The following ZFHX3 variants were observed in gnomAD, a reference collection of about 807,000 sequenced individuals.
ZFHX3 encodes the protein zinc finger homeobox protein 3.
Under a neutral mutation model 279.1 loss-of-function variants are expected in ZFHX3, and 42 were observed. The ratio of observed to expected loss-of-function variants is 0.15; its 90% CI spans 0.12 to 0.19. The LOEUF is 0.19. ZFHX3 is among the 10% of genes least tolerant of loss of function. ZFHX3 has a pLI of 1.00. For synonymous variants in ZFHX3, 2,293 were observed against 1,957.8 expected (o/e 1.17, Z -4.52); for missense variants, 4,981 against 4,754.0 (o/e 1.05, Z -1.40).
At chr16:73,797,950 G>T (rs1431533332) in intron 1 of ZFHX3, among the ~76,000 whole-genome samples, 1 of 151,470 alleles carries the variant, frequency 6.6e-6, no homozygotes, top group East Asian at 1.9e-4. Flanking sequence ...GGGATTACAG[G>T]CGCTCGCCAC....
At chr16:73,133,205 T>C (rs1053104924) in intron 6 of ZFHX3, among the ~76,000 whole-genome samples, 2 of 152,204 alleles carry the variant, frequency 1.3e-5, no homozygotes, top group East Asian at 3.9e-4. Flanking sequence ...AATGTGACTG[T>C]ATTTAGAGAT....
At position 73,108,022 on chromosome 16, in the gene ZFHX3, G is replaced by A. The variant is rs560830044; in HGVS notation, c.-896-14424C>T. Among the ~76,000 whole-genome samples, 108 of 152,252 alleles carry A rather than the reference G, an allele frequency of 7.1e-4. 1 individual carries two copies. The highest frequency in any genetic ancestry group is 2.3e-3 in the African/African-American group (95 of 41,554). On this transcript the variant is annotated intron_variant, in intron 7 of 17. Transcript: ENST00000641206. ...TAAAAATACAAAAAATTAGCCAGGC[G>A]TGGTGGCGGGCACCTGTAGTCCCAG...
chr16:73,394,244 T>G (rs2017081002), intron 3 of ZFHX3, among the ~76,000 whole-genome samples: 1 of 150,790 alleles, frequency 6.6e-6, no homozygotes, highest in Non-Finnish European at 1.5e-5. Context: ...TTTCTGTTTT[T>G]TTTTTTTTTG....
chr16:73,399,092 A>G (rs925120199), intron 3 of ZFHX3, among the ~76,000 whole-genome samples: 2 of 147,372 alleles, frequency 1.4e-5, no homozygotes, highest in Non-Finnish European at 3.0e-5. Flanking sequence ...TGGCCAGGCC[A>G]GTCTCGAACT....
intron 1 of ZFHX3, among the ~76,000 whole-genome samples, chr16:73,734,105 T>G (rs371912372): frequency 1.2e-4 from 18 of 152,280 alleles, no homozygotes; most frequent in African/African-American, 3.4e-4. Context: ...CAATAGTGTT[T>G]GTGCTCCTAC....
At chr16:73,568,514 A>G (rs2020481209) in intron 2 of ZFHX3, among the ~76,000 whole-genome samples, 1 of 152,164 alleles carries the variant, frequency 6.6e-6, no homozygotes. Context: ...TTGCAGTGCT[A>G]CACCCAAAAA....
At chr16:73,877,160 A>C (rs1345923364) in intron 1 of ZFHX3, among the ~76,000 whole-genome samples, 1 of 136,674 alleles carries the variant, frequency 7.3e-6, no homozygotes, top group African/African-American at 2.7e-5. Flanking sequence ...TGCATCAAGC[A>C]TAACAAAAAG....
At chr16:73,361,842 A>T (rs2016438134) in intron 3 of ZFHX3, among the ~76,000 whole-genome samples, 2 of 152,334 alleles carry the variant, frequency 1.3e-5, no homozygotes, top group South Asian at 2.1e-4. Context: ...TGAAGGTGAC[A>T]GTTCTCCCCC....
At chr16:73,317,309 T>TG (rs1306513261) in intron 4 of ZFHX3, among the ~76,000 whole-genome samples, 2 of 151,920 alleles carry the variant, frequency 1.3e-5, no homozygotes, top group Non-Finnish European at 2.9e-5. Context: ...GTGGTGGTTA[T>TG]GGTATTGTTC....
chr16:73,497,227 A>G (rs1240099839), intron 2 of ZFHX3, among the ~76,000 whole-genome samples: 1 of 152,224 alleles, frequency 6.6e-6, no homozygotes, highest in East Asian at 1.9e-4. Context: ...GCTTATGGAC[A>G]AGGAGCAAAA....
chr16:73,753,946 T>C (rs2053783153), intron 1 of ZFHX3, among the ~76,000 whole-genome samples: 1 of 147,334 alleles, frequency 6.8e-6, no homozygotes, highest in Non-Finnish European at 1.5e-5. Flanking sequence ...TTATAGACTA[T>C]AACTGCTGCA....
At chr16:73,111,071 G>T (rs767864112) in intron 7 of ZFHX3, among the ~76,000 whole-genome samples, 1 of 152,082 alleles carries the variant, frequency 6.6e-6, no homozygotes, top group Non-Finnish European at 1.5e-5. Context: ...CTCCTGAGTA[G>T]CTGGGAGTAC....
intron 4 of ZFHX3, among the ~76,000 whole-genome samples, chr16:72,872,356 T>A (rs1334354499): frequency 6.6e-6 from 1 of 152,162 alleles, no homozygotes. Flanking sequence ...ATTATTCCCC[T>A]CTTTAAGGCT....
chr16:73,362,130 T>C (rs1303260550), intron 3 of ZFHX3, among the ~76,000 whole-genome samples: 4 of 135,732 alleles, frequency 2.9e-5, no homozygotes, highest in Non-Finnish European at 6.4e-5. Context: ...CGTGCCTCCT[T>C]GCCTTCCTTG....
chr16:73,492,926 T>C (rs1473749358), intron 2 of ZFHX3, among the ~76,000 whole-genome samples: 1 of 151,256 alleles, frequency 6.6e-6, no homozygotes, highest in Non-Finnish European at 1.5e-5. Context: ...ATCGAGTACA[T>C]AGTAGGTGCT....
chr16:73,104,025 C>T (rs4788700), intron 7 of ZFHX3, among the ~76,000 whole-genome samples: 54,057 of 151,812 alleles, frequency 0.36, 10,007 homozygotes, highest in East Asian at 0.63. Context: ...TGGTGGCCTC[C>T]GAGGAAGAAC....
intron 1 of ZFHX3, among the ~76,000 whole-genome samples, chr16:73,022,025 C>A (rs919399292): frequency 6.6e-6 from 1 of 152,102 alleles, no homozygotes; most frequent in South Asian, 2.1e-4. Context: ...GTCCACCGAA[C>A]CTGCCAACTA....
chr16:73,701,516 G>A (rs2053246056), intron 1 of ZFHX3, among the ~76,000 whole-genome samples: 1 of 152,132 alleles, frequency 6.6e-6, no homozygotes, highest in Admixed American at 6.5e-5. Context: ...CAATTGTTCT[G>A]CCACTGTAAT....
At chr16:73,659,043 A>G (rs570840991) in intron 2 of ZFHX3, among the ~76,000 whole-genome samples, 1 of 152,308 alleles carries the variant, frequency 6.6e-6, no homozygotes, top group Admixed American at 6.5e-5. Context: ...AAAGAGATGG[A>G]GAGAGATGGC....
Sources: allele counts gnomAD v4.1 joint callset (sites outside exome capture counted in the v4.1 genomes callset), GRCh38; gene constraint gnomAD v4.1.1; transcripts MANE v1.5; gene names NCBI Gene and HGNC (gene_info 2026-07-23, HGNC 2026-07-21).